LRRTM4: variants seen among roughly 807,000 people sequenced by gnomAD.
The protein encoded by LRRTM4 is leucine-rich repeat transmembrane neuronal protein 4.
In LRRTM4, 25 loss-of-function variants were observed where a neutral mutation model predicts 47.6. The observed-to-expected ratio is 0.53, with a 90% CI of 0.38 to 0.73. The LOEUF is 0.73. LRRTM4 is among the 30% of genes least tolerant of loss of function. LRRTM4 has a pLI of 0.00. For missense variants in LRRTM4, 638 were observed against 713.4 expected (o/e 0.89, Z 1.20); for synonymous variants, 311 against 269.5 (o/e 1.15, Z -1.51).
intron 3 of LRRTM4, among the ~76,000 whole-genome samples, chr2:77,078,405 CACAT>C (rs747255091): frequency 7.4e-5 from 11 of 149,316 alleles, no homozygotes; most frequent in Non-Finnish European, 1.2e-4. Context: ...CACACACACA[CACAT>C]GTTCTGGTGC....
chr2:77,146,038 C>G (rs1174099910), intron 3 of LRRTM4, among the ~76,000 whole-genome samples: 1 of 151,980 alleles, frequency 6.6e-6, no homozygotes, highest in East Asian at 1.9e-4. Flanking sequence ...AAAAATTTGG[C>G]CTCTTAAAAT....
intron 3 of LRRTM4, among the ~76,000 whole-genome samples, chr2:77,158,129 G>A (rs1426289579): frequency 6.6e-6 from 1 of 151,742 alleles, no homozygotes; most frequent in Non-Finnish European, 1.5e-5. Flanking sequence ...GGAGGGAGGA[G>A]GTATGGAGAG....
chr2:77,479,451 G>T (rs187099481), intron 3 of LRRTM4, among the ~76,000 whole-genome samples: 1 of 152,304 alleles, frequency 6.6e-6, no homozygotes, highest in African/African-American at 2.4e-5. Flanking sequence ...AACTCTGGAG[G>T]TTTCAAAAAG....
intron 3 of LRRTM4, among the ~76,000 whole-genome samples, chr2:76,856,306 A>G (rs1251016313): frequency 1.3e-5 from 2 of 152,170 alleles, no homozygotes; most frequent in African/African-American, 2.4e-5. Context: ...GATAAAAAAA[A>G]GTATAAATTT....
chr2:77,148,319 T>C (rs1466403449), intron 3 of LRRTM4, among the ~76,000 whole-genome samples: 1 of 152,184 alleles, frequency 6.6e-6, no homozygotes, highest in Non-Finnish European at 1.5e-5. Context: ...GGGAAATGAA[T>C]AGAGAGCTAA....
intron 3 of LRRTM4, among the ~76,000 whole-genome samples, chr2:77,164,709 G>A (rs1672830523): frequency 6.6e-6 from 1 of 152,178 alleles, no homozygotes; most frequent in African/African-American, 2.4e-5. Context: ...GCTCCTGAAT[G>A]ACTACTGGTT....
intron 3 of LRRTM4, among the ~76,000 whole-genome samples, chr2:76,964,158 G>A (rs1455587028): frequency 1.3e-5 from 2 of 150,960 alleles, no homozygotes; most frequent in Non-Finnish European, 1.5e-5. Context: ...ATGAATGTTT[G>A]TAGCTGTGAC....
rs1431569762 is a variant in LRRTM4, at chr2:77,362,138, AAAG to A, written c.1551+156177_1551+156179del. On this transcript the variant is annotated intron_variant, in intron 3 of 3. Coordinates refer to ENST00000409884, the MANE Select transcript of LRRTM4 (RefSeq NM_001134745.3). ...GAGAGAAAGAAAGAAAGAAAGAAAG[AAAG>A]AAAGAAAGAAAGAAAGAAAGAAAGA... Among the ~76,000 whole-genome samples, 152 of 103,120 alleles carry A rather than the reference AAAG, an allele frequency of 1.5e-3. 1 individual carries two copies. The highest frequency in any genetic ancestry group is 4.3e-3 in the Middle Eastern group (1 of 234). The allele number at this position is 103,120 out of a possible 152,430, so 67.7% of individuals were successfully genotyped here. A position where few individuals can be genotyped will look rare whatever the true frequency, so the allele number is the denominator to read the frequency against.
chr2:77,307,911 T>C (rs1677331878), intron 3 of LRRTM4, among the ~76,000 whole-genome samples: 1 of 80,890 alleles, frequency 1.2e-5, no homozygotes, highest in Non-Finnish European at 2.1e-5. Context: ...TATAGAAATA[T>C]AAATATATAG....
intron 3 of LRRTM4, among the ~76,000 whole-genome samples, chr2:77,378,212 A>G (rs1012059974): frequency 2.6e-5 from 4 of 151,810 alleles, no homozygotes; most frequent in African/African-American, 9.7e-5. Flanking sequence ...TTTACTTTCT[A>G]AATTACAAAT....
intron 3 of LRRTM4, among the ~76,000 whole-genome samples, chr2:76,749,142 C>A (rs149390482): frequency 6.4e-4 from 97 of 152,276 alleles, no homozygotes; most frequent in Non-Finnish European, 1.1e-3. Context: ...TATCTTTCAA[C>A]TTTTCATTGC....
At chr2:77,420,030 A>C (rs1674809839) in intron 3 of LRRTM4, among the ~76,000 whole-genome samples, 1 of 152,142 alleles carries the variant, frequency 6.6e-6, no homozygotes, top group African/African-American at 2.4e-5. Flanking sequence ...GCTGGGATGA[A>C]GGTGTTGGCT....
chr2:76,766,484 G>A (rs1673460548), intron 3 of LRRTM4, among the ~76,000 whole-genome samples: 1 of 152,114 alleles, frequency 6.6e-6, no homozygotes, highest in African/African-American at 2.4e-5. Context: ...ATTGCATATT[G>A]GCTAACCTTT....
At chr2:77,493,681 A>G (rs1443265318) in intron 3 of LRRTM4, among the ~76,000 whole-genome samples, 1 of 152,150 alleles carries the variant, frequency 6.6e-6, no homozygotes, top group East Asian at 1.9e-4. Flanking sequence ...TTAGAAATAT[A>G]TCTTTCCCCC....
intron 3 of LRRTM4, among the ~76,000 whole-genome samples, chr2:77,410,046 T>G (rs1674358362): frequency 1.3e-5 from 2 of 152,032 alleles, no homozygotes; most frequent in Admixed American, 6.5e-5. Context: ...TGACTTTTCT[T>G]TATATATATA....
intron 3 of LRRTM4, among the ~76,000 whole-genome samples, chr2:77,157,989 G>A (rs1159247783): frequency 6.6e-6 from 1 of 152,074 alleles, no homozygotes; most frequent in African/African-American, 2.4e-5. Context: ...ACATTCAAAA[G>A]GCGTCAAGTT....
chr2:77,119,926 C>T (rs753408781), intron 3 of LRRTM4, among the ~76,000 whole-genome samples: 4 of 151,758 alleles, frequency 2.6e-5, no homozygotes, highest in Admixed American at 2.0e-4. Context: ...GGATAACCTA[C>T]GTGTATGCTG....
intron 3 of LRRTM4, among the ~76,000 whole-genome samples, chr2:77,021,098 C>CTATCTATCTATG (rs1285877717): frequency 7.5e-6 from 1 of 134,110 alleles, no homozygotes; most frequent in South Asian, 2.5e-4. Context: ...TTCTCTGTAT[C>CTATCTATCTATG]TATCTATCTA....
intron 3 of LRRTM4, among the ~76,000 whole-genome samples, chr2:76,854,024 A>T (rs1380094314): frequency 2.0e-5 from 3 of 152,152 alleles, no homozygotes; most frequent in African/African-American, 4.8e-5. Context: ...GAAATCATTT[A>T]TCATGGTCTC....
Sources: gnomAD v4.1 joint callset for allele counts (sites outside exome capture counted in the v4.1 genomes callset) on GRCh38, gnomAD v4.1.1 for gene constraint, MANE v1.5 for transcripts, NCBI Gene and HGNC (gene_info 2026-07-23, HGNC 2026-07-21) for gene names.